ARL15: variants seen among roughly 807,000 people sequenced by gnomAD.
ARL15 encodes ADP-ribosylation factor-like protein 15.
Under a neutral mutation model 25.2 loss-of-function variants are expected in ARL15, and 19 were observed. That is an observed-to-expected ratio of 0.75 (90% confidence interval 0.53 to 1.10). ARL15 has a LOEUF of 1.10. ARL15 is among the 50% of genes least tolerant of loss of function. ARL15 has a pLI of 0.00. For missense variants in ARL15, 220 were observed against 246.0 expected (o/e 0.89, Z 0.71); for synonymous variants, 94 against 86.8 (o/e 1.08, Z -0.46).
intron 4 of ARL15, among the ~76,000 whole-genome samples, chr5:54,012,998 C>T (rs1749296707): frequency 1.3e-5 from 2 of 151,884 alleles, no homozygotes; most frequent in Non-Finnish European, 2.9e-5. Context: ...CGGAGTTTCA[C>T]CATGTTGGCC....
At chr5:53,942,019 G>A (rs866626522) in intron 4 of ARL15, among the ~76,000 whole-genome samples, 4 of 152,266 alleles carry the variant, frequency 2.6e-5, no homozygotes, top group South Asian at 2.1e-4. Flanking sequence ...GGGCGGGCAG[G>A]GGCAAGAATG....
At chr5:54,064,239 C>G (rs1751150352) in intron 4 of ARL15, among the ~76,000 whole-genome samples, 1 of 152,094 alleles carries the variant, frequency 6.6e-6, no homozygotes, top group South Asian at 2.1e-4. Flanking sequence ...TAATGTGATA[C>G]CGAAATACAG....
chr5:53,965,500 G>T (rs697111), intron 4 of ARL15, among the ~76,000 whole-genome samples: 6 of 151,918 alleles, frequency 3.9e-5, no homozygotes, highest in African/African-American at 1.5e-4. Context: ...ATCCTGAGGT[G>T]GGGGGGACTT....
chr5:54,007,918 A>T (rs1275715483), intron 4 of ARL15, among the ~76,000 whole-genome samples: 3 of 152,068 alleles, frequency 2.0e-5, no homozygotes, highest in African/African-American at 4.8e-5. Context: ...AAACATCATC[A>T]GTCTCAGGAA....
intron 4 of ARL15, among the ~76,000 whole-genome samples, chr5:53,985,402 A>G (rs149755833): frequency 2.0e-4 from 31 of 152,304 alleles, no homozygotes; most frequent in African/African-American, 7.5e-4. Context: ...ACCACCATCC[A>G]TCGCCATTAC....
chr5:54,222,402 C>T lies in ARL15; in HGVS notation c.49-50474G>A, dbSNP rs543901815. On this transcript the variant is annotated intron_variant, in intron 1 of 4. Transcript: ENST00000504924. ...AGGACTCACCACATAAAAAACACAA[C>T]ACAACAAAAAACAAACAAGCAAACA... is the stretch of plus-strand genomic sequence containing the variant. Among the ~76,000 whole-genome samples the T allele has an allele frequency of 7.2e-5, 11 of 152,256 alleles. No individual in the cohort carries two copies. The South Asian group carries it at 2.3e-3, about 32-fold the overall frequency.
intron 1 of ARL15, among the ~76,000 whole-genome samples, chr5:54,300,244 G>T (rs1758581790): frequency 6.6e-6 from 1 of 152,196 alleles, no homozygotes; most frequent in African/African-American, 2.4e-5. Flanking sequence ...GGGTAGAAAA[G>T]ACCAGGCAGT....
intron 4 of ARL15, among the ~76,000 whole-genome samples, chr5:53,894,593 A>G (rs1281339075): frequency 6.6e-6 from 1 of 152,200 alleles, no homozygotes; most frequent in Admixed American, 6.6e-5. Context: ...TGAGAGGCAC[A>G]GTTATGTATG....
intron 1 of ARL15, among the ~76,000 whole-genome samples, chr5:54,238,107 T>C (rs980514638): frequency 1.4e-4 from 22 of 152,068 alleles, no homozygotes; most frequent in Admixed American, 1.0e-3. Context: ...TATCACTAAC[T>C]CCCCAACATC....
At chr5:54,288,330 G>A (rs1173327052) in intron 1 of ARL15, among the ~76,000 whole-genome samples, 1 of 152,188 alleles carries the variant, frequency 6.6e-6, no homozygotes, top group Admixed American at 6.5e-5. Context: ...CTCTTCTTCT[G>A]CCCTTTCACC....
intron 4 of ARL15, among the ~76,000 whole-genome samples, chr5:53,958,116 A>T (rs1010543158): frequency 2.0e-5 from 3 of 151,944 alleles, no homozygotes; most frequent in Non-Finnish European, 2.9e-5. Flanking sequence ...AGGCTGAGAC[A>T]GGAGAATCGC....
rs187142296 is a variant in ARL15 at position 54,155,995 on chromosome 5, A to C, written c.194-1356T>G. 5.2e-3 allele frequency among the ~76,000 whole-genome samples: 785 copies of C among 152,336 alleles called. 9 individuals are homozygous for C. Among genetic ancestry groups the C allele is most frequent in the African/African-American group, 0.018 (752 of 41,580 alleles). ...AGATTAAAAAAGTTTCTTTTTCAAG[A>C]ATTTATCAACAAAGAAGACAAATTA... is the stretch of plus-strand genomic sequence containing the variant. On this transcript the variant is annotated intron_variant, in intron 2 of 4. Transcript: ENST00000504924.
intron 4 of ARL15, among the ~76,000 whole-genome samples, chr5:54,022,667 TTC>T (rs1749644736): frequency 6.6e-6 from 1 of 152,180 alleles, no homozygotes; most frequent in Non-Finnish European, 1.5e-5. Flanking sequence ...CCTTATTTCT[TTC>T]TGTAGCTCAA....
intron 1 of ARL15, among the ~76,000 whole-genome samples, chr5:54,240,160 G>A (rs1268414779): frequency 6.6e-6 from 1 of 151,390 alleles, no homozygotes; most frequent in Non-Finnish European, 1.5e-5. Flanking sequence ...CCGGGAGGCG[G>A]AGCTTGCAGT....
At chr5:54,171,476 G>A (rs980116220) in intron 2 of ARL15, among the ~76,000 whole-genome samples, 1 of 152,088 alleles carries the variant, frequency 6.6e-6, no homozygotes, top group South Asian at 2.1e-4. Context: ...GTACTCTATG[G>A]GCCCAAGATG....
At chr5:54,139,182 G>T (rs1753696415) in intron 3 of ARL15, among the ~76,000 whole-genome samples, 1 of 152,066 alleles carries the variant, frequency 6.6e-6, no homozygotes, top group Non-Finnish European at 1.5e-5. Flanking sequence ...TAAAAGAAAA[G>T]AAGTCATTGT....
chr5:54,286,631 A>C (rs1214532794), intron 1 of ARL15, among the ~76,000 whole-genome samples: 1 of 152,196 alleles, frequency 6.6e-6, no homozygotes, highest in Non-Finnish European at 1.5e-5. Flanking sequence ...ATAAAACATC[A>C]CTAAAAATCA....
intron 4 of ARL15, among the ~76,000 whole-genome samples, chr5:53,988,883 C>A (rs1230170824): frequency 3.9e-5 from 6 of 152,118 alleles, no homozygotes; most frequent in Admixed American, 3.9e-4. Flanking sequence ...AAGCTGCAAT[C>A]AGCTGAGATA....
At chr5:53,966,260 G>A (rs746407639) in intron 4 of ARL15, among the ~76,000 whole-genome samples, 17 of 152,102 alleles carry the variant, frequency 1.1e-4, no homozygotes, top group South Asian at 2.1e-4. Context: ...AACAGGGTTC[G>A]GAGAGCTTCT....
Sources: gnomAD v4.1 joint callset for allele counts (sites outside exome capture counted in the v4.1 genomes callset) on GRCh38, gnomAD v4.1.1 for gene constraint, MANE v1.5 for transcripts, NCBI Gene and HGNC (gene_info 2026-07-23, HGNC 2026-07-21) for gene names.